The following RNF2 variants were observed in gnomAD, a reference collection of about 807,000 sequenced individuals.
RNF2 encodes E3 ubiquitin-protein ligase RING2.
A neutral mutation model predicts 37.2 loss-of-function variants in RNF2; 6 were observed. The observed-to-expected ratio is 0.16, with a 90% CI of 0.09 to 0.32. RNF2 has a LOEUF of 0.32. RNF2 is among the 10% of genes least tolerant of loss of function. RNF2 has a pLI of 1.00. For synonymous variants in RNF2, 133 were observed against 132.7 expected, an observed-to-expected ratio of 1.00 and a Z score of -0.02; for missense variants, 251 against 404.0, an observed-to-expected ratio of 0.62 and a Z score of 3.25.
rs59351560 is a variant in RNF2 at position 185,077,625 on chromosome 1, G to GTTTTTTTTTTTTGTTTT, written c.-2-9915_-2-9914insGTTTTTTTTTTTTTTTT. Among the ~76,000 whole-genome samples, 26 of 115,690 alleles carry GTTTTTTTTTTTTGTTTT rather than the reference G, an allele frequency of 2.2e-4. 1 individual carries two copies. Among genetic ancestry groups the GTTTTTTTTTTTTGTTTT allele is most frequent in the African/African-American group, 8.2e-4 (25 of 30,452 alleles). The allele number at this position is 115,690 out of a possible 152,430, so 75.9% of individuals were successfully genotyped here. On this transcript the variant is annotated intron_variant, in intron 1 of 6. Coordinates refer to ENST00000367510, the MANE Select transcript of RNF2 (RefSeq NM_007212.4). Reference sequence around the variant, plus strand: ...TTTTTAATTGTTAGGAATTAACTTTGTTTTTTTTTTTTTGGCTAGAAATTT... The same window carrying GTTTTTTTTTTTTGTTTT: ...TTTTTAATTGTTAGGAATTAACTTTGTTTTTTTTTTTTGTTTTTTTTTTTTTTTTTGGCTAGAAATTT...
At chr1:185,095,222 C>T (rs550607818) in intron 4 of RNF2, among the ~76,000 whole-genome samples, 208 of 152,310 alleles carry the variant, frequency 1.4e-3, no homozygotes, top group Admixed American at 4.3e-3. Flanking sequence ...AAAAGCAAGA[C>T]TCTCCTTGTA....
intron 1 of RNF2, among the ~76,000 whole-genome samples, chr1:185,055,685 T>A (rs1650412010): frequency 6.6e-6 from 1 of 152,200 alleles, no homozygotes; most frequent in South Asian, 2.1e-4. Context: ...CCTTCCGAAG[T>A]CTGGGATTAC....
intron 1 of RNF2, among the ~76,000 whole-genome samples, chr1:185,079,587 A>T (rs1651284986): frequency 2.0e-5 from 3 of 152,196 alleles, no homozygotes; most frequent in Admixed American, 2.0e-4. Flanking sequence ...TGGAACAGTC[A>T]TTTTATTTTA....
intron 1 of RNF2, among the ~76,000 whole-genome samples, chr1:185,058,545 A>G (rs1314436940): frequency 5.9e-5 from 9 of 152,236 alleles, no homozygotes; most frequent in African/African-American, 1.9e-4. Flanking sequence ...TATTTGAAAC[A>G]GTATCTGTTG....
chr1:185,062,982 T>C (rs1650658244), intron 1 of RNF2, among the ~76,000 whole-genome samples: 1 of 152,206 alleles, frequency 6.6e-6, no homozygotes, highest in Non-Finnish European at 1.5e-5. Context: ...TGTAAGTTGG[T>C]ATAATAATTT....
In RNF2 at chr1:185,101,409, T is replaced by C. The variant is rs1000888031; in HGVS notation, c.*1108T>C. On this transcript the variant is annotated 3_prime_UTR_variant, in exon 7 of 7. Transcript: ENST00000367510. Reference sequence around the variant, plus strand: ...GCTTTAATATGTAGTGAAAGATAATTCTGTAGAAAAACGTCAGCCAGTAGG... The same window carrying C: ...GCTTTAATATGTAGTGAAAGATAATCCTGTAGAAAAACGTCAGCCAGTAGG... The C allele has an allele frequency of 6.6e-6, 1 of 152,666 alleles. No individual in the cohort carries two copies. Among genetic ancestry groups the C allele is most frequent in the African/African-American group, 2.4e-5 (1 of 41,564 alleles). 9.5% of individuals were successfully genotyped at this position (152,666 alleles called of 1,614,324 possible).
intron 1 of RNF2, among the ~76,000 whole-genome samples, chr1:185,050,941 A>G (rs770606084): frequency 2.2e-4 from 33 of 152,242 alleles, no homozygotes; most frequent in Non-Finnish European, 3.8e-4. Context: ...GTTCCCAAAA[A>G]TAAAACATTA....
rs1651303739 is a variant in RNF2, at chr1:185,080,147, C to CT, written c.-2-7401dup. ...TGCTGGCTTCCACTCTACTCTTCAG[C>CT]TTTTCAGACTGTATCTTGGCCATCC... On this transcript the variant is annotated intron_variant, in intron 1 of 6. Coordinates refer to ENST00000367510, the MANE Select transcript of RNF2 (RefSeq NM_007212.4). 2.0e-5 allele frequency among the ~76,000 whole-genome samples: 3 copies of CT among 152,154 alleles called. No individual in the cohort carries two copies. The South Asian group carries it at 6.2e-4, about 32-fold the overall frequency.
intron 1 of RNF2, among the ~76,000 whole-genome samples, chr1:185,067,454 G>T (rs559362305): frequency 3.3e-5 from 5 of 152,172 alleles, no homozygotes; most frequent in African/African-American, 9.6e-5. Flanking sequence ...GAAATTATTT[G>T]CTCATTTACA....
intron 1 of RNF2, among the ~76,000 whole-genome samples, chr1:185,076,265 G>GTTTTTTTTTTTTTTTTTTTTTT (rs1557967374): frequency 2.5e-5 from 1 of 39,540 alleles, no homozygotes; most frequent in Non-Finnish European, 5.8e-5. Context: ...TCTTTTATGG[G>GTTTTTTTTTTTTTTTTTTTTTT]TTGTTTTTTT....
rs755723238 is a variant in RNF2 at position 185,093,216 on chromosome 1, A to G, written c.404A>G (p.Asn135Ser). The G allele has an allele frequency of 6.2e-7, 1 of 1,614,114 alleles. No individual in the cohort carries two copies. Among genetic ancestry groups the G allele is most frequent in the Admixed American group, 1.7e-5 (1 of 60,024 alleles). The change falls in exon 4 of 7, where the codon AAT becomes AGT. Residue 135 changes from asparagine to serine, a missense_variant. By Grantham distance (46) the Asn-to-Ser change is conservative (BLOSUM62 1). Transcript: ENST00000367510. ...GTATTAGCCAGGATCAACAAGCACA[A>G]TAATCAGCAAGCACTCAGTCACAGC... Reference protein sequence around the residue: ...ERVLARINKHNNQQALSHSIE... With the variant: ...ERVLARINKHSNQQALSHSIE...
chr1:185,045,899 G>A (rs1650100267), intron 1 of RNF2, among the ~76,000 whole-genome samples: 1 of 152,136 alleles, frequency 6.6e-6, no homozygotes, highest in Admixed American at 6.5e-5. Context: ...GGTTTGCGGA[G>A]GACCCAGTCA....
intron 2 of RNF2, among the ~76,000 whole-genome samples, chr1:185,088,504 C>T (rs1267157887): frequency 6.7e-6 from 1 of 150,162 alleles, no homozygotes; most frequent in Non-Finnish European, 1.5e-5. Flanking sequence ...TGCAGTGAGC[C>T]GAGATTGCGC....
At chr1:185,069,303 A>G (rs1010785844) in intron 1 of RNF2, among the ~76,000 whole-genome samples, 5 of 152,066 alleles carry the variant, frequency 3.3e-5, no homozygotes, top group African/African-American at 1.2e-4. Flanking sequence ...AAATACACAC[A>G]AAAACCAACT....
chr1:185,080,906 C>G (rs1651326494), intron 1 of RNF2, among the ~76,000 whole-genome samples: 1 of 152,176 alleles, frequency 6.6e-6, no homozygotes, highest in Non-Finnish European at 1.5e-5. Context: ...AAGGAGTGTT[C>G]TGCTTATAAT....
chr1:185,045,955 C>T (rs1027267761), intron 1 of RNF2: 2 of 152,308 alleles, frequency 1.3e-5, no homozygotes, highest in Non-Finnish European at 2.9e-5. Context: ...TTTCGCTGCC[C>T]TTTCCTCTGC....
chr1:185,078,148 G>A (rs1651232247), intron 1 of RNF2, among the ~76,000 whole-genome samples: 1 of 152,204 alleles, frequency 6.6e-6, no homozygotes, highest in Non-Finnish European at 1.5e-5. Context: ...TTGGGAGACT[G>A]AGGCTGGAGA....
intron 1 of RNF2, among the ~76,000 whole-genome samples, chr1:185,086,133 A>C (rs546140998): frequency 6.6e-6 from 1 of 152,042 alleles, no homozygotes; most frequent in Non-Finnish European, 1.5e-5. Flanking sequence ...TTTCATCTCT[A>C]CCAAAGCCTC....
chr1:185,076,265 G>GTTTTTTTTTT (rs1557967374), intron 1 of RNF2, among the ~76,000 whole-genome samples: 2 of 39,538 alleles, frequency 5.1e-5, no homozygotes, highest in African/African-American at 8.2e-5. Flanking sequence ...TCTTTTATGG[G>GTTTTTTTTTT]TTGTTTTTTT....
Sources: allele counts gnomAD v4.1 joint callset (sites outside exome capture counted in the v4.1 genomes callset), GRCh38; gene constraint gnomAD v4.1.1; transcripts MANE v1.5; gene names NCBI Gene and HGNC (gene_info 2026-07-23, HGNC 2026-07-21).